The following GPN1 variants were observed in gnomAD, a reference collection of about 807,000 sequenced individuals.
GPN1 encodes ATP(GTP)-binding protein.
In GPN1, 44 loss-of-function variants were observed where a neutral mutation model predicts 55.9. That is an observed-to-expected ratio of 0.79 (90% CI 0.62 to 1.01). The LOEUF is 1.01. Ranked by LOEUF, GPN1 falls within the 50% of genes least tolerant of loss-of-function variation. The probability of loss-of-function intolerance (pLI) is 0.00; values close to 1 mark genes in which losing one functional copy is unlikely to be tolerated. For missense variants in GPN1, 466 were observed against 462.8 expected (o/e 1.01, Z -0.06); for synonymous variants, 179 against 162.5 (o/e 1.10, Z -0.77).
intron 2 of GPN1, among the ~76,000 whole-genome samples, chr2:27,630,241 C>T (rs938616313): frequency 2.0e-5 from 3 of 152,118 alleles, no homozygotes; most frequent in Admixed American, 6.5e-5. Context: ...GAGCCAAGAT[C>T]GTGCCACTGC....
At chr2:27,633,114 CT>C (rs2148065276) in intron 5 of GPN1, among the ~76,000 whole-genome samples, 1 of 152,192 alleles carries the variant, frequency 6.6e-6, no homozygotes, top group South Asian at 2.1e-4. Flanking sequence ...TCAAGGTTTA[CT>C]TTTTTTAAAA....
At chr2:27,638,092 G>A (rs931685122) in intron 7 of GPN1, 118 bp from the exon 8 acceptor site, 11 of 631,932 alleles carry the variant, frequency 1.7e-5, no homozygotes, top group Non-Finnish European at 3.2e-5. Context: ...AAAAATGGAT[G>A]ACTACTTTTT....
At chr2:27,628,664 C>G, upstream of GPN1, 1 of 1,551,632 alleles carries the variant, frequency 6.4e-7, no homozygotes, top group Non-Finnish European at 8.7e-7. Context: ...GCCCGAGCAG[C>G]CGGTCCTCCA....
chr2:27,649,184 G>A (rs567490696), intron 13 of GPN1, among the ~76,000 whole-genome samples: 9 of 151,814 alleles, frequency 5.9e-5, no homozygotes, highest in Non-Finnish European at 1.2e-4. Flanking sequence ...GGCGGAGGCT[G>A]CAGTGAACTG....
At position 27,640,069 on chromosome 2, in the gene GPN1, T is replaced by TTC; in HGVS notation, c.744_745insTC (p.Thr249SerfsTer4). On this transcript the variant is annotated frameshift_variant, in exon 10 of 14. Transcript: ENST00000610189. LOFTEE classifies it high-confidence loss of function. Reference sequence around the variant, plus strand: ...TGGTGGGTGTCTCTGCTGTTCTGGGTACTGGATTAGATGAACTCTTTGTGC... The same window carrying TTC: ...TGGTGGGTGTCTCTGCTGTTCTGGGTTCACTGGATTAGATGAACTCTTTGTGC... The TTC allele has an allele frequency of 1.2e-6, 2 of 1,612,894 alleles. No homozygotes were observed. Among genetic ancestry groups the TTC allele is most frequent in the South Asian group, 2.2e-5 (2 of 91,064 alleles).
At chr2:27,631,257 C>CAGATGGCA (rs1255475706) in intron 3 of GPN1, 191 bp downstream of exon 3, 2 of 584,652 alleles carry the variant, frequency 3.4e-6, no homozygotes, top group Non-Finnish European at 6.1e-6. Flanking sequence ...ACCATCTCCC[C>CAGATGGCA]AGATGGCAGG....
rs1674548127 is a variant in GPN1, at chr2:27,651,494, G to T, written c.*1294G>T. 1 of 152,332 alleles carries T rather than the reference G, an allele frequency of 6.6e-6. No individual in the cohort carries two copies. Among genetic ancestry groups the T allele is most frequent in the Non-Finnish European group, 1.5e-5 (1 of 68,044 alleles). 9.4% of individuals were successfully genotyped at this position (152,332 alleles called of 1,614,324 possible). ...AGTTTAACATTCTGCAGCAATAAAAGTGTTTTATTATAAAGTATTAATTTT... is the reference window on the plus strand; with the variant it reads ...AGTTTAACATTCTGCAGCAATAAAATTGTTTTATTATAAAGTATTAATTTT... On this transcript the variant is annotated 3_prime_UTR_variant, in exon 14 of 14. Coordinates refer to ENST00000610189, the MANE Select transcript of GPN1 (RefSeq NM_007266.4).
chr2:27,634,825 T>C, intron 5 of GPN1, 21 bp from the exon 6 acceptor site: 1 of 1,332,764 alleles, frequency 7.5e-7, no homozygotes, highest in Non-Finnish European at 1.1e-6. Flanking sequence ...AACACTTCTT[T>C]AATGATCTTT....
At chr2:27,642,699 GGATTACAGGC>G (rs1475723577) in intron 12 of GPN1, among the ~76,000 whole-genome samples, 180 bp downstream of exon 12, 2 of 151,996 alleles carry the variant, frequency 1.3e-5, no homozygotes, top group Non-Finnish European at 1.5e-5. Context: ...TGAGTAGCTG[GGATTACAGGC>G]ATGTGCCACC....
At chr2:27,645,271 C>CT (rs1674169897) in intron 12 of GPN1, among the ~76,000 whole-genome samples, 1 of 151,960 alleles carries the variant, frequency 6.6e-6, no homozygotes, top group African/African-American at 2.4e-5. Context: ...ATCCCCAGCC[C>CT]ATTTTTTTTT....
chr2:27,642,954 T>TACAC (rs1270219794), intron 12 of GPN1, among the ~76,000 whole-genome samples: 474 of 46,820 alleles, frequency 0.01, 6 homozygotes, highest in African/African-American at 0.02. Context: ...TATATATATA[T>TACAC]ATATACACAC....
chr2:27,630,674 T>G (rs1230371511), intron 2 of GPN1, among the ~76,000 whole-genome samples: 3 of 152,164 alleles, frequency 2.0e-5, no homozygotes, highest in Non-Finnish European at 4.4e-5. Context: ...CTAACTCCTT[T>G]TAAAAAATCA....
intron 5 of GPN1, 61 bp from the exon 6 acceptor site, chr2:27,634,785 A>AT (rs1673668408): frequency 1.1e-6 from 1 of 938,150 alleles, no homozygotes; most frequent in Admixed American, 1.7e-5. Flanking sequence ...GTCTTATATG[A>AT]TGGAATATCC....
intron 10 of GPN1, among the ~76,000 whole-genome samples, chr2:27,640,713 A>G (rs868285346): frequency 1.3e-5 from 2 of 152,230 alleles, no homozygotes; most frequent in African/African-American, 4.8e-5. Flanking sequence ...GGCCTGTGGC[A>G]TGATAGCCGG....
At chr2:27,645,737 G>A (rs1217969403) in intron 12 of GPN1, among the ~76,000 whole-genome samples, 2 of 151,012 alleles carry the variant, frequency 1.3e-5, no homozygotes, top group African/African-American at 4.9e-5. Context: ...TCATCTTTAT[G>A]TATTTGTTTT....
rs973005827 is a variant in GPN1, at chr2:27,639,932, CA to C, written c.718-107del. On this transcript the variant is annotated intron_variant, in intron 9 of 13. Coordinates refer to ENST00000610189, the MANE Select transcript of GPN1 (RefSeq NM_007266.4). ...GCCTGGCTTTTTGCCAAAGACTTCT[CA>C]AAATATAAACCACTCTTACTAAGAT... The C allele has an allele frequency of 6.2e-6, 5 of 807,954 alleles. No homozygotes were observed. The African/African-American group carries it at 8.6e-5, about 14-fold the overall frequency. 50.0% of individuals were successfully genotyped at this position (807,954 alleles called of 1,614,324 possible). A position where few individuals can be genotyped will look rare whatever the true frequency, so the allele number is the denominator to read the frequency against.
chr2:27,635,232 C>T lies in GPN1; in HGVS notation c.522C>T (p.Cys174=). The part of the protein sequence containing the change: ...VTFMSNMLYA[C]SILYKTKLPF... Reference sequence around the variant, plus strand: ...TCATGTCCAACATGCTCTATGCCTGCAGGTAATTGATTGTTGGTGGGGAAA... The same window carrying T: ...TCATGTCCAACATGCTCTATGCCTGTAGGTAATTGATTGTTGGTGGGGAAA... The change falls in exon 7 of 14, where the codon TGC becomes TGT. Residue 174 remains cysteine, a splice_region_variant and synonymous_variant. Coordinates refer to ENST00000610189, the MANE Select transcript of GPN1 (RefSeq NM_007266.4). 6.7e-7 allele frequency: 1 copy of T among 1,496,160 alleles called. No homozygotes were observed. Among genetic ancestry groups the T allele is most frequent in the East Asian group, 2.3e-5 (1 of 44,222 alleles). 92.7% of individuals were successfully genotyped at this position (1,496,160 alleles called of 1,614,324 possible). A position where few individuals can be genotyped will look rare whatever the true frequency, so the allele number is the denominator to read the frequency against.
intron 12 of GPN1, among the ~76,000 whole-genome samples, chr2:27,644,887 C>G (rs1674147429): frequency 6.6e-6 from 1 of 151,814 alleles, no homozygotes; most frequent in South Asian, 2.1e-4. Flanking sequence ...ATGTTCCAGA[C>G]CAGCCTCAGA....
chr2:27,632,045 A>G (rs1673577100), intron 4 of GPN1, 145 bp downstream of exon 4: 2 of 650,502 alleles, frequency 3.1e-6, no homozygotes, highest in South Asian at 1.8e-5. Flanking sequence ...ACAGAGAAGT[A>G]GACTATGAGA....
Sources: gnomAD v4.1 joint callset for allele counts (sites outside exome capture counted in the v4.1 genomes callset) on GRCh38, gnomAD v4.1.1 for gene constraint, MANE v1.5 for transcripts, NCBI Gene and HGNC (gene_info 2026-07-23, HGNC 2026-07-21) for gene names.